The following ITFG1 variants were observed in gnomAD, a reference collection of about 807,000 sequenced individuals.
ITFG1 encodes the protein integrin alpha FG-GAP repeat containing 1.
Under a neutral mutation model 81.8 loss-of-function variants are expected in ITFG1, and 34 were observed. The ratio of observed to expected loss-of-function variants is 0.42; its 90% confidence interval spans 0.32 to 0.55. The LOEUF (loss-of-function observed/expected upper bound fraction) is 0.55. ITFG1 is among the 20% of genes least tolerant of loss of function. ITFG1 has a pLI of 0.17. For synonymous variants in ITFG1, 285 were observed against 270.6 expected, an observed-to-expected ratio of 1.05 and a Z score of -0.52; for missense variants, 672 against 755.4, an observed-to-expected ratio of 0.89 and a Z score of 1.29.
intron 10 of ITFG1, among the ~76,000 whole-genome samples, chr16:47,270,216 A>C (rs943640659): frequency 2.0e-5 from 3 of 152,228 alleles, no homozygotes; most frequent in African/African-American, 7.2e-5. Flanking sequence ...GTACTTTCCC[A>C]AAACTAGATA....
At chr16:47,337,295 G>A (rs1462805067) in intron 8 of ITFG1, among the ~76,000 whole-genome samples, 2 of 152,122 alleles carry the variant, frequency 1.3e-5, no homozygotes, top group Non-Finnish European at 2.9e-5. Flanking sequence ...ATCACAGCCA[G>A]GCGCGGTGGC....
intron 10 of ITFG1, among the ~76,000 whole-genome samples, chr16:47,273,632 A>T (rs568971942): frequency 2.0e-5 from 3 of 152,266 alleles, no homozygotes; most frequent in African/African-American, 7.2e-5. Context: ...GAATGAAAAA[A>T]GGAAGCGAGC....
At chr16:47,373,745 C>G (rs947817320) in intron 7 of ITFG1, among the ~76,000 whole-genome samples, 7 of 152,340 alleles carry the variant, frequency 4.6e-5, no homozygotes, top group Non-Finnish European at 1.0e-4. Flanking sequence ...ACTTCTGTAA[C>G]TGCCAGAGCA....
chr16:47,216,554 T>C (rs1031207475), intron 14 of ITFG1, among the ~76,000 whole-genome samples: 12 of 152,178 alleles, frequency 7.9e-5, no homozygotes, highest in African/African-American at 2.9e-4. Context: ...GTTATAGAAA[T>C]GTACAAAGTG....
At chr16:47,387,690 C>T (rs1968479753) in intron 6 of ITFG1, among the ~76,000 whole-genome samples, 2 of 152,152 alleles carry the variant, frequency 1.3e-5, no homozygotes, top group Non-Finnish European at 2.9e-5. Flanking sequence ...ATTGATAAAC[C>T]TTCTCATACC....
At chr16:47,375,988 G>T in intron 6 of ITFG1, 48 bp from the exon 7 acceptor site, 1 of 1,125,560 alleles carries the variant, frequency 8.9e-7, no homozygotes, top group Non-Finnish European at 1.3e-6. Context: ...TCTTACTGAT[G>T]TGTACATTTA....
At chr16:47,400,417 C>G (rs1450022763) in intron 6 of ITFG1, among the ~76,000 whole-genome samples, 1 of 148,514 alleles carries the variant, frequency 6.7e-6, no homozygotes, top group East Asian at 2.0e-4. Flanking sequence ...TGTGTCAGGA[C>G]TTGGAGCAAA....
chr16:47,180,689 A>G (rs1244564778), intron 14 of ITFG1, among the ~76,000 whole-genome samples: 8 of 152,156 alleles, frequency 5.3e-5, no homozygotes, highest in Middle Eastern at 6.8e-3. Flanking sequence ...TCAGTGCTCA[A>G]TGGTGCCCAG....
chr16:47,450,923 A>G (rs1407842423), intron 5 of ITFG1, among the ~76,000 whole-genome samples: 3 of 152,228 alleles, frequency 2.0e-5, no homozygotes. Context: ...CATACTGGTG[A>G]AGGACAATGT....
intron 5 of ITFG1, among the ~76,000 whole-genome samples, chr16:47,439,488 C>T (rs1035677513): frequency 8.5e-5 from 13 of 152,158 alleles, no homozygotes; most frequent in African/African-American, 2.7e-4. Context: ...GCTGATCTCT[C>T]GGCAGAAACT....
chr16:47,379,598 T>C (rs1292561694), intron 6 of ITFG1, among the ~76,000 whole-genome samples: 2 of 151,828 alleles, frequency 1.3e-5, no homozygotes, highest in African/African-American at 2.4e-5. Context: ...TGATGCAGAA[T>C]TGCTTGAACC....
intron 15 of ITFG1, among the ~76,000 whole-genome samples, chr16:47,162,154 CAAT>C (rs1192031089): frequency 2.6e-5 from 4 of 151,578 alleles, no homozygotes; most frequent in African/African-American, 7.3e-5. Context: ...TTGAGACTGA[CAAT>C]AAACAAAGCA....
At chr16:47,254,383 T>C (rs947377902) in intron 12 of ITFG1, among the ~76,000 whole-genome samples, 1 of 150,604 alleles carries the variant, frequency 6.6e-6, no homozygotes, top group African/African-American at 2.4e-5. Flanking sequence ...CTTTAGCATA[T>C]TATTATTATT....
intron 14 of ITFG1, among the ~76,000 whole-genome samples, chr16:47,207,620 A>T (rs1187543595): frequency 3.9e-5 from 6 of 152,204 alleles, no homozygotes; most frequent in Non-Finnish European, 8.8e-5. Context: ...AGCTTGGTGA[A>T]TGCAGGGCAG....
chr16:47,458,893 G>A (rs1338496406), intron 2 of ITFG1, among the ~76,000 whole-genome samples: 1 of 151,746 alleles, frequency 6.6e-6, no homozygotes, highest in African/African-American at 2.4e-5. Context: ...AAACAAACCT[G>A]GATCCACTCA....
chr16:47,342,519 A>G (rs1361047349), intron 8 of ITFG1, among the ~76,000 whole-genome samples: 2 of 152,146 alleles, frequency 1.3e-5, no homozygotes, highest in African/African-American at 4.8e-5. Context: ...ACAGGGAAAG[A>G]GATAAATGGT....
intron 10 of ITFG1, among the ~76,000 whole-genome samples, chr16:47,261,581 T>A (rs1326011853): frequency 6.6e-6 from 1 of 152,234 alleles, no homozygotes; most frequent in African/African-American, 2.4e-5. Context: ...TTTCCCAAAA[T>A]ATGTATATTC....
intron 13 of ITFG1, among the ~76,000 whole-genome samples, chr16:47,224,366 T>C (rs1965733263): frequency 6.6e-6 from 1 of 152,190 alleles, no homozygotes. Context: ...TCTGAAAATC[T>C]CTCACTTATT....
chr16:47,236,896 T>C (rs1056595973), intron 13 of ITFG1, among the ~76,000 whole-genome samples: 6 of 152,332 alleles, frequency 3.9e-5, no homozygotes, highest in Non-Finnish European at 8.8e-5. Context: ...CACAGCAGGG[T>C]TCCTACCTGG....
Sources: allele counts gnomAD v4.1 joint callset (sites outside exome capture counted in the v4.1 genomes callset), GRCh38; gene constraint gnomAD v4.1.1; transcripts MANE v1.5; gene names NCBI Gene and HGNC (gene_info 2026-07-23, HGNC 2026-07-21).